APBB1IP: variants seen among roughly 807,000 people sequenced by gnomAD.
APBB1IP encodes the protein amyloid beta precursor protein binding family B member 1 interacting protein.
A neutral mutation model predicts 64.9 loss-of-function variants in APBB1IP; 27 were observed. The ratio of observed to expected loss-of-function variants is 0.42; its 90% CI spans 0.31 to 0.57. APBB1IP has a LOEUF of 0.57. APBB1IP is among the 20% of genes least tolerant of loss of function. The pLI is 0.20. For missense variants in APBB1IP, 812 were observed against 845.5 expected (o/e 0.96, Z 0.49); for synonymous variants, 392 against 331.0 (o/e 1.18, Z -2.00).
intron 2 of APBB1IP, among the ~76,000 whole-genome samples, chr10:26,480,605 A>G (rs189354398): frequency 1.8e-4 from 27 of 148,370 alleles, no homozygotes; most frequent in African/African-American, 6.1e-4. Context: ...TAATATTGGA[A>G]TGGTTGAGCT....
At chr10:26,466,683 C>T (rs946367658) in intron 2 of APBB1IP, among the ~76,000 whole-genome samples, 4 of 152,192 alleles carry the variant, frequency 2.6e-5, no homozygotes, top group Non-Finnish European at 5.9e-5. Context: ...TACCTGTAGT[C>T]CCAGCTACTC....
chr10:26,500,845 G>A lies in APBB1IP; in HGVS notation c.187G>A (p.Asp63Asn). ...GTCCTTAAATGCACTGGAAGACCAA[G>A]ATTTAGATGCTCTCATGGCAGATCT... ...NESLNALEDQ[D>N]LDALMADLVA... The change falls in exon 5 of 15, where the codon GAT becomes AAT. Residue 63 changes from aspartate (D) to asparagine (N), a missense_variant. By Grantham distance (23) the Asp-to-Asn change is conservative. This residue lies in a region of APBB1IP where 394 missense variants were observed against 413.1 expected (regional missense o/e 0.95). Coordinates refer to ENST00000376236, the MANE Select transcript of APBB1IP (RefSeq NM_019043.4). 2 of 1,614,048 alleles carry A rather than the reference G, an allele frequency of 1.2e-6. No homozygotes were observed. Among genetic ancestry groups the A allele is most frequent in the Non-Finnish European group, 1.7e-6 (2 of 1,179,910 alleles).
intron 2 of APBB1IP, among the ~76,000 whole-genome samples, chr10:26,444,167 A>G (rs1835367161): frequency 6.6e-6 from 1 of 152,154 alleles, no homozygotes; most frequent in Non-Finnish European, 1.5e-5. Context: ...GCTGTAGGGC[A>G]GGGGCATGTC....
At chr10:26,544,637 G>A (rs1357879505) in intron 11 of APBB1IP, among the ~76,000 whole-genome samples, 1 of 152,146 alleles carries the variant, frequency 6.6e-6, no homozygotes, top group African/African-American at 2.4e-5. Flanking sequence ...GAGCAGGGGT[G>A]TCTGTCAAGA....
chr10:26,563,633 C>T (rs1837002719), intron 14 of APBB1IP, among the ~76,000 whole-genome samples: 2 of 152,114 alleles, frequency 1.3e-5, no homozygotes, highest in Non-Finnish European at 2.9e-5. Context: ...GAATATTTCT[C>T]TTGTGTGATT....
chr10:26,559,452 C>A (rs988943674), intron 11 of APBB1IP, among the ~76,000 whole-genome samples: 2 of 151,786 alleles, frequency 1.3e-5, no homozygotes, highest in African/African-American at 4.8e-5. Flanking sequence ...TGGTGTGCAC[C>A]TGTAGTCCTA....
At chr10:26,454,113 A>G (rs573365343) in intron 2 of APBB1IP, among the ~76,000 whole-genome samples, 2 of 152,344 alleles carry the variant, frequency 1.3e-5, no homozygotes, top group East Asian at 3.9e-4. Flanking sequence ...CAGAATGACA[A>G]ACATGGCATG....
chr10:26,467,554 A>G (rs1835663415), intron 2 of APBB1IP, among the ~76,000 whole-genome samples: 1 of 152,142 alleles, frequency 6.6e-6, no homozygotes, highest in African/African-American at 2.4e-5. Flanking sequence ...TTATCCCAAC[A>G]TGATGGTGCA....
chr10:26,513,461 A>T, intron 7 of APBB1IP, 78 bp from the exon 8 acceptor site: 2 of 1,533,468 alleles, frequency 1.3e-6, no homozygotes, highest in Non-Finnish European at 1.8e-6. Context: ...ATGAAGCATT[A>T]ACTCAATAAT....
intron 9 of APBB1IP, among the ~76,000 whole-genome samples, chr10:26,534,190 G>C (rs1836590388): frequency 6.6e-6 from 1 of 151,186 alleles, no homozygotes; most frequent in Admixed American, 6.6e-5. Flanking sequence ...GCCTCGCATG[G>C]GGGCACACAC....
At chr10:26,559,997 C>T (rs920293042) in intron 11 of APBB1IP, 108 bp from the exon 12 acceptor site, 4 of 885,826 alleles carry the variant, frequency 4.5e-6, no homozygotes, top group Non-Finnish European at 7.4e-6. Context: ...ATTTTTGCCA[C>T]ATAAATCACA....
intron 2 of APBB1IP, among the ~76,000 whole-genome samples, chr10:26,466,788 T>C (rs963718877): frequency 1.3e-5 from 2 of 152,064 alleles, no homozygotes; most frequent in Non-Finnish European, 2.9e-5. Flanking sequence ...ATTTAAAAAT[T>C]AGCCAGGCAT....
chr10:26,562,206 C>A, intron 13 of APBB1IP, 120 bp from the exon 14 acceptor site: 1 of 732,582 alleles, frequency 1.4e-6, no homozygotes, highest in Non-Finnish European at 2.3e-6. Context: ...TTTGTAAGAA[C>A]TAGCCAACAA....
At chr10:26,477,986 G>T (rs1037803565) in intron 2 of APBB1IP, among the ~76,000 whole-genome samples, 1 of 152,232 alleles carries the variant, frequency 6.6e-6, no homozygotes, top group African/African-American at 2.4e-5. Context: ...GTCACTCAGA[G>T]TCTATCATGT....
intron 8 of APBB1IP, among the ~76,000 whole-genome samples, chr10:26,527,502 C>T (rs1387878660): frequency 6.7e-6 from 1 of 148,256 alleles, no homozygotes; most frequent in Non-Finnish European, 1.5e-5. Context: ...AGCTATGATC[C>T]ACTGCACTCC....
At position 26,509,258 on chromosome 10, in the gene APBB1IP, C is replaced by G. The variant is rs960047520; in HGVS notation, c.532-2489C>G. ...ACAAATACAGGGAAAAAGCAACTATCCAACTACAGATGTCTGGGCTAGAGA... is the reference window on the plus strand; with the variant it reads ...ACAAATACAGGGAAAAAGCAACTATGCAACTACAGATGTCTGGGCTAGAGA... On this transcript the variant is annotated intron_variant, in intron 6 of 14. Transcript: ENST00000376236. 2.6e-5 allele frequency among the ~76,000 whole-genome samples: 4 copies of G among 152,106 alleles called. No individual in the cohort carries two copies. In the South Asian group the frequency reaches 8.3e-4, roughly 31 times the overall value.
chr10:26,533,117 G>T (rs1836575128), intron 8 of APBB1IP, among the ~76,000 whole-genome samples: 1 of 152,172 alleles, frequency 6.6e-6, no homozygotes, highest in Admixed American at 6.5e-5. Flanking sequence ...GTGCCTTGGG[G>T]ACTTCCAGCT....
intron 2 of APBB1IP, among the ~76,000 whole-genome samples, chr10:26,487,480 C>A (rs1835906487): frequency 6.6e-6 from 1 of 152,086 alleles, no homozygotes; most frequent in South Asian, 2.1e-4. Flanking sequence ...AACTGTGATC[C>A]ATTCACAAGC....
At chr10:26,508,405 CA>C (rs200872743) in intron 6 of APBB1IP, among the ~76,000 whole-genome samples, 1 of 145,994 alleles carries the variant, frequency 6.8e-6, no homozygotes, top group African/African-American at 2.5e-5. Flanking sequence ...CAAAAAAAAA[CA>C]AAAAAAACCC....
Sources: allele counts gnomAD v4.1 joint callset (sites outside exome capture counted in the v4.1 genomes callset), GRCh38; gene constraint gnomAD v4.1.1; regional missense constraint gnomAD v4.1.1; transcripts MANE v1.5; gene names NCBI Gene and HGNC (gene_info 2026-07-23, HGNC 2026-07-21).